PITX1: variants seen among roughly 807,000 people sequenced by gnomAD.
PITX1 encodes paired like homeodomain 1.
In PITX1, 5 loss-of-function variants were observed where a neutral mutation model predicts 24.1. That is an observed-to-expected ratio of 0.21 (90% CI 0.11 to 0.44). The LOEUF is 0.44. Among genes scored for constraint, PITX1 ranks in the 20% least tolerant of loss-of-function variants. The pLI is 0.99. For missense variants in PITX1, 401 were observed against 455.4 expected (o/e 0.88, Z 1.09); for synonymous variants, 213 against 208.9 (o/e 1.02, Z -0.17).
At position 135,033,757 on chromosome 5, in the gene PITX1, G is replaced by C; in HGVS notation, c.125C>G (p.Pro42Arg). Reference protein sequence around the residue: ...HLARPADPREPLENSASESSD... With the variant: ...HLARPADPRERLENSASESSD... The stretch of plus-strand genomic sequence containing the variant: ...CGACTCGCTGGCGGAGTTCTCGAGC[G>C]GCTCGCGGGGGTCGGCGGGCCGGGC... Residue 42 changes from proline (P) to arginine (R), a missense_variant, in exon 1 of 3, where the codon CCG (proline) becomes CGG (arginine). Physicochemically the swap from Pro to Arg is moderately radical, Grantham distance 103. Around this residue, in one of 3 missense-constraint regions of PITX1, gnomAD observed 136 missense variants for 133.3 expected, o/e 1.02. Coordinates refer to ENST00000265340, the MANE Select transcript of PITX1 (RefSeq NM_002653.5). This position sits in a 1 kb window ranked among gnomAD's most constrained non-coding sequence, Gnocchi z 5.9. The C allele has an allele frequency of 6.3e-7, 1 of 1,591,736 alleles. No homozygotes were observed. Among genetic ancestry groups the C allele is most frequent in the Non-Finnish European group, 8.5e-7 (1 of 1,175,666 alleles).
At chr5:135,031,624 C>G in intron 1 of PITX1, 116 bp from the exon 2 acceptor site, 1 of 847,184 alleles carries the variant, frequency 1.2e-6, no homozygotes, top group Non-Finnish European at 1.8e-6. Context: ...CTCCCTCCCT[C>G]TAGGGTTCCT....
rs894907666 is a variant in PITX1, at chr5:135,033,519, G to A, written c.169+194C>T. 3.3e-6 allele frequency: 2 copies of A among 614,444 alleles called. No homozygotes were observed. The highest frequency in any genetic ancestry group is 5.6e-6 in the Non-Finnish European group (2 of 354,078). 38.1% of individuals were successfully genotyped at this position (614,444 alleles called of 1,614,324 possible). A position where few individuals can be genotyped will look rare whatever the true frequency, so the allele number is the denominator to read the frequency against. On this transcript the variant is annotated intron_variant, in intron 1 of 2. Coordinates refer to ENST00000265340, the MANE Select transcript of PITX1 (RefSeq NM_002653.5). This position sits in a 1 kb window ranked among gnomAD's most constrained non-coding sequence, Gnocchi z 5.9. ...CAGTCTCTTGGCGCGTGGGGACCGC[G>A]TGGAAGTGCCTTCGCGTGTGCGTAA...
At chr5:135,031,593 A>G in intron 1 of PITX1, 85 bp from the exon 2 acceptor site, 4 of 1,133,920 alleles carry the variant, frequency 3.5e-6, no homozygotes, top group Non-Finnish European at 5.0e-6. Flanking sequence ...GCTCGCCACC[A>G]GCGCTGGCGG....
At chr5:135,032,839 A>G in intron 1 of PITX1, 1 of 342,514 alleles carries the variant, frequency 2.9e-6, no homozygotes, top group African/African-American at 2.3e-5. Context: ...AAAGAGAAAC[A>G]GATACTAAGA....
At position 135,033,927 on chromosome 5, in the gene PITX1, C is replaced by T. The variant is rs1188839920; in HGVS notation, c.-46G>A. On this transcript the variant is annotated 5_prime_UTR_variant, in exon 1 of 3. Transcript: ENST00000265340. This position sits in a 1 kb window ranked among gnomAD's most constrained non-coding sequence, Gnocchi z 5.9. ...GCGCTCCAGGGGCCGGGGCTGGGCG[C>T]GCCCCGCCGCCCTGGCTGCGACCTG... The T allele has an allele frequency of 6.6e-6, 8 of 1,210,186 alleles. No individual in the cohort carries two copies. Among genetic ancestry groups the T allele is most frequent in the African/African-American group, 3.2e-5 (2 of 62,262 alleles). 75.0% of individuals were successfully genotyped at this position (1,210,186 alleles called of 1,614,324 possible).
intron 2 of PITX1, 122 bp downstream of exon 2, chr5:135,031,154 G>T (rs1296841242): frequency 2.7e-6 from 2 of 754,124 alleles, no homozygotes; most frequent in African/African-American, 3.4e-5. Context: ...TGGAGGGAGG[G>T]AGCAGGTCTG....
chr5:135,032,055 C>T (rs1321447923), intron 1 of PITX1: 1 of 154,852 alleles, frequency 6.5e-6, no homozygotes, highest in Non-Finnish European at 1.4e-5. Flanking sequence ...CCCAGACAGA[C>T]AGACTCTGTC....
chr5:135,031,586 C>A, intron 1 of PITX1, 78 bp from the exon 2 acceptor site: 1 of 1,177,384 alleles, frequency 8.5e-7, no homozygotes, highest in South Asian at 1.4e-5. Context: ...CCGAACCGCT[C>A]GCCACCAGCG....
Position 135,034,004 on chromosome 5 carries a change from C to G in PITX1, c.-123G>C. ...GGCTGCCCTCCAGGGCTGCCGGCGCCTGCAGCGACGCCGTGCCCGCCCCAT... is the reference window on the plus strand; with the variant it reads ...GGCTGCCCTCCAGGGCTGCCGGCGCGTGCAGCGACGCCGTGCCCGCCCCAT... On this transcript the variant is annotated 5_prime_UTR_variant, in exon 1 of 3. Coordinates refer to ENST00000265340, the MANE Select transcript of PITX1 (RefSeq NM_002653.5). 2 of 512,718 alleles carry G rather than the reference C, an allele frequency of 3.9e-6. No homozygotes were observed. Among genetic ancestry groups the G allele is most frequent in the Non-Finnish European group, 5.7e-6 (2 of 353,560 alleles). 31.8% of individuals were successfully genotyped at this position (512,718 alleles called of 1,614,324 possible).
Position 135,029,305 on chromosome 5 carries a change from C to A in PITX1, c.419G>T (p.Arg140Leu). ...CTCGCGCTTACGCCACTTGGCTCGC[C>A]GGTTCTTGAACCAGACCTGGGGGAG... ...EPRVRVWFKN[R>L]RAKWRKRERN... The change falls in exon 3 of 3, where the codon CGG (arginine) becomes CTG (leucine). Residue 140 changes from arginine to leucine, a missense_variant. Physicochemically the swap from Arg to Leu is moderately radical, Grantham distance 102 (BLOSUM62 -2). Transcript: ENST00000265340. The A allele has an allele frequency of 6.3e-7, 1 of 1,598,694 alleles. No homozygotes were observed. The highest frequency in any genetic ancestry group is 8.5e-7 in the Non-Finnish European group (1 of 1,171,582).
chr5:135,029,231 T>C lies in PITX1; in HGVS notation c.493A>G (p.Ser165Gly), dbSNP rs998890883. Residue 165 changes from serine (S) to glycine (G), a missense_variant, in exon 3 of 3, where the codon AGC becomes GGC. By Grantham distance (56) the Ser-to-Gly change is moderately conservative. Around this residue, in one of 3 missense-constraint regions of PITX1, gnomAD observed 217 missense variants for 219.8 expected, o/e 0.99. Transcript: ENST00000265340. ...LCKGGYVPQFSGLVQPYEDVY... is the reference protein window; with the variant it reads ...LCKGGYVPQFGGLVQPYEDVY... ...TCCTCGTAGGGCTGCACTAGGCCGCTGAACTGCGGCACGTAGCCACCCTTG... is the reference window on the plus strand; with the variant it reads ...TCCTCGTAGGGCTGCACTAGGCCGCCGAACTGCGGCACGTAGCCACCCTTG... 2.0e-5 allele frequency: 32 copies of C among 1,613,560 alleles called. No homozygotes were observed. Among genetic ancestry groups the C allele is most frequent in the Non-Finnish European group, 2.1e-5 (25 of 1,179,720 alleles).
Position 135,027,904 on chromosome 5 carries a change from C to CCGGCTCGACTCTTGCA in PITX1, c.*859_*874dup, listed in dbSNP as rs1554070408. 2.6e-5 allele frequency: 4 copies of CCGGCTCGACTCTTGCA among 152,616 alleles called. No homozygotes were observed. Among genetic ancestry groups the CCGGCTCGACTCTTGCA allele is most frequent in the African/African-American group, 9.7e-5 (4 of 41,424 alleles). The allele number at this position is 152,616 out of a possible 1,614,324, so 9.5% of individuals were successfully genotyped here. ...CCCTGGGGCCGCGCCCCTTGCTCTGCCGGCTCGACTCTTGCACGGCGGGCG... is the reference window on the plus strand; with the variant it reads ...CCCTGGGGCCGCGCCCCTTGCTCTGCCGGCTCGACTCTTGCACGGCTCGACTCTTGCACGGCGGGCG... On this transcript the variant is annotated 3_prime_UTR_variant, in exon 3 of 3. Transcript: ENST00000265340.
chr5:135,029,405 G>GAACGT, intron 2 of PITX1, 84 bp from the exon 3 acceptor site: 3 of 1,149,144 alleles, frequency 2.6e-6, no homozygotes, highest in Non-Finnish European at 3.7e-6. Flanking sequence ...GGAGCCTTCC[G>GAACGT]TCGGCCCGCT....
chr5:135,029,154 C>T lies in PITX1; in HGVS notation c.570G>A (p.Ala190=), dbSNP rs1580925700. The part of the protein sequence containing the change: ...SYNNWAAKSL[A]PAPLSTKSFT... ...AGCTCTTGGTGGAGAGCGGCGCTGG[C>T]GCCAGGCTCTTGGCGGCCCAGTTGT... Residue 190 remains alanine, a synonymous_variant, in exon 3 of 3, where the codon GCG becomes GCA. Coordinates refer to ENST00000265340, the MANE Select transcript of PITX1 (RefSeq NM_002653.5). 5 of 1,614,212 alleles carry T rather than the reference C, an allele frequency of 3.1e-6. No homozygotes were observed. Among genetic ancestry groups the T allele is most frequent in the Non-Finnish European group, 4.2e-6 (5 of 1,180,034 alleles).
At position 135,033,976 on chromosome 5, in the gene PITX1, A is replaced by C; in HGVS notation, c.-95T>G. On this transcript the variant is annotated 5_prime_UTR_variant, in exon 1 of 3. Transcript: ENST00000265340. This position sits in a 1 kb window ranked among gnomAD's most constrained non-coding sequence, Gnocchi z 5.9. ...TGCGGGGACAAGAGCGCAGCGCCTA[A>C]GCGGCTGCCCTCCAGGGCTGCCGGC... 3 of 823,084 alleles carry C rather than the reference A, an allele frequency of 3.6e-6. No homozygotes were observed. The highest frequency in any genetic ancestry group is 3.9e-5 in the East Asian group (1 of 25,838). The allele number at this position is 823,084 out of a possible 1,614,324, so 51.0% of individuals were successfully genotyped here.
Position 135,031,679 on chromosome 5 carries a change from A to G in PITX1, c.170-171T>C, listed in dbSNP as rs1232170926. On this transcript the variant is annotated intron_variant, in intron 1 of 2. Transcript: ENST00000265340. ...AAGCGCCCGCCGGGTGCTGGTCGTC[A>G]GTAGGCACCTCTAGTCTGGTGTGCC... 6 of 612,650 alleles carry G rather than the reference A, an allele frequency of 9.8e-6. No homozygotes were observed. The African/African-American group carries it at 1.1e-4, about 11-fold the overall frequency. 38.0% of individuals were successfully genotyped at this position (612,650 alleles called of 1,614,324 possible). A position where few individuals can be genotyped will look rare whatever the true frequency, so the allele number is the denominator to read the frequency against.
Position 135,029,019 on chromosome 5 carries a change from A to G in PITX1, c.705T>C (p.Pro235=). 6.2e-7 allele frequency: 1 copy of G among 1,614,196 alleles called. No homozygotes were observed. ...TGTTGAGGCCCGAGTTGGGCATGCC[A>G]GGCACGGCGCCTGGGCCCATGCTGG... ...MPSSMGPGAV[P]GMPNSGLNNI... Residue 235 remains proline, a synonymous_variant, in exon 3 of 3, where the codon CCT becomes CCC. Coordinates refer to ENST00000265340, the MANE Select transcript of PITX1 (RefSeq NM_002653.5).
rs1752401155 is a variant in PITX1, at chr5:135,028,955, T to G, written c.769A>C (p.Met257Leu). 1 of 1,614,010 alleles carries G rather than the reference T, an allele frequency of 6.2e-7. No homozygotes were observed. The highest frequency in any genetic ancestry group is 8.5e-7 in the Non-Finnish European group (1 of 1,179,984). ...NLTGSSLNSA[M>L]SPGACPYGTP... ...CCGTACGGGCAAGCGCCCGGCGACATGGCCGAGTTGAGCGAGGAGCCGGTG... is the reference window on the plus strand; with the variant it reads ...CCGTACGGGCAAGCGCCCGGCGACAGGGCCGAGTTGAGCGAGGAGCCGGTG... Residue 257 changes from methionine to leucine, a missense_variant, in exon 3 of 3, where the codon ATG becomes CTG. Physicochemically the swap from Met to Leu is conservative, Grantham distance 15. Transcript: ENST00000265340.
At chr5:135,031,547 A>ACGCCC (rs1301859104) in intron 1 of PITX1, 39 bp from the exon 2 acceptor site, 1 of 1,532,924 alleles carries the variant, frequency 6.5e-7, no homozygotes, top group Non-Finnish European at 8.9e-7. Context: ...ACCTGGGCTT[A>ACGCCC]CGCCCCGTTG....
Sources: gnomAD v4.1 joint callset for allele counts on GRCh38, gnomAD v4.1.1 for gene constraint, gnomAD v4.1.1 regional missense constraint, Gnocchi (gnomAD v3.1) non-coding constraint, MANE v1.5 for transcripts, NCBI Gene and HGNC (gene_info 2026-07-23, HGNC 2026-07-21) for gene names.